PSMD11: variants seen among roughly 807,000 people sequenced by gnomAD.
PSMD11 encodes proteasome 26S subunit, non-ATPase 11.
PSMD11 carries 5 observed loss-of-function variants against 62.3 expected under a neutral mutation model. That is an observed-to-expected ratio of 0.08 (90% CI 0.04 to 0.17). The LOEUF (loss-of-function observed/expected upper bound fraction) is 0.17, where lower values mean the gene tolerates loss of function less well. Among genes scored for constraint, PSMD11 ranks in the 10% least tolerant of loss-of-function variants. The pLI is 1.00. For synonymous variants in PSMD11, 191 were observed against 191.8 expected, an observed-to-expected ratio of 1.00 and a Z score of 0.03; for missense variants, 310 against 512.9, an observed-to-expected ratio of 0.60 and a Z score of 3.82.
intron 7 of PSMD11, among the ~76,000 whole-genome samples, chr17:32,474,506 T>C (rs1226836965): frequency 1.3e-5 from 2 of 152,228 alleles, no homozygotes; most frequent in African/African-American, 4.8e-5. Flanking sequence ...TTCTGCTTGT[T>C]GTGTCTATTG....
chr17:32,455,892 C>T (rs1907635598), intron 3 of PSMD11, among the ~76,000 whole-genome samples: 2 of 151,834 alleles, frequency 1.3e-5, no homozygotes, highest in South Asian at 4.2e-4. Flanking sequence ...GCCTGTAATC[C>T]CAGCACTTTG....
intron 2 of PSMD11, among the ~76,000 whole-genome samples, chr17:32,453,259 A>G (rs917605699): frequency 1.6e-4 from 25 of 152,356 alleles, no homozygotes; most frequent in African/African-American, 5.3e-4. Context: ...GTTACATGGG[A>G]AACTCAATAG....
chr17:32,444,660 G>T, intron 1 of PSMD11, 46 bp downstream of exon 1: 1 of 1,604,136 alleles, frequency 6.2e-7, no homozygotes, highest in Non-Finnish European at 8.5e-7. Flanking sequence ...GCCCAGCTCG[G>T]CTTATGTCGG....
chr17:32,474,113 A>G, intron 7 of PSMD11, 168 bp downstream of exon 7: 1 of 706,874 alleles, frequency 1.4e-6, no homozygotes, highest in Non-Finnish European at 2.3e-6. Flanking sequence ...TGGTCCAGAA[A>G]ACTTTCGCTT....
chr17:32,479,042 T>TG (rs1348381349), intron 9 of PSMD11, among the ~76,000 whole-genome samples: 1 of 152,204 alleles, frequency 6.6e-6, no homozygotes, highest in Non-Finnish European at 1.5e-5. Context: ...CCCGAGTGAC[T>TG]GGGACTCCAG....
chr17:32,459,100 A>G (rs1271600030), intron 3 of PSMD11, among the ~76,000 whole-genome samples: 2 of 96,402 alleles, frequency 2.1e-5, no homozygotes, highest in African/African-American at 7.4e-5. Context: ...AGAGTGTCTC[A>G]AAAAAAAAAA....
chr17:32,474,205 T>C (rs1335330457), intron 7 of PSMD11: 6 of 511,156 alleles, frequency 1.2e-5, no homozygotes, highest in Non-Finnish European at 1.4e-5. Context: ...CCTTTAAATA[T>C]TCTGTCCTCA....
chr17:32,464,187 C>T (rs1444668533), intron 4 of PSMD11, 67 bp downstream of exon 4: 1 of 1,394,234 alleles, frequency 7.2e-7, no homozygotes, highest in African/African-American at 1.4e-5. Flanking sequence ...GTAAGCAGTA[C>T]CATCCTTATC....
Position 32,479,599 on chromosome 17 carries a change from C to G in PSMD11, c.1038+223C>G, listed in dbSNP as rs146605189. On this transcript the variant is annotated intron_variant, in intron 10 of 13. Coordinates refer to ENST00000261712, the MANE Select transcript of PSMD11 (RefSeq NM_002815.4). ...CCCTGCATGTGTTCTGAGCAGTTTC[C>G]TCCTCGCTTTTAGTCACTGCATGTG... The G allele has an allele frequency of 1.0e-3, 739 of 719,638 alleles. 8 individuals are homozygous for G. In the East Asian group the frequency reaches 0.018, roughly 17 times the overall value. The allele number at this position is 719,638 out of a possible 1,614,324, so 44.6% of individuals were successfully genotyped here.
chr17:32,472,283 C>T (rs1597840918), intron 6 of PSMD11, among the ~76,000 whole-genome samples: 1 of 151,128 alleles, frequency 6.6e-6, no homozygotes. Context: ...AGTGCAGTGA[C>T]GTGACCTCGG....
At chr17:32,459,115 C>CAT (rs10595066) in intron 3 of PSMD11, among the ~76,000 whole-genome samples, 9,110 of 111,728 alleles carry the variant, frequency 0.082, 464 homozygotes, top group African/African-American at 0.13. Context: ...AAAAAAAATA[C>CAT]ATATATATAT....
chr17:32,480,325 C>T (rs181735479), intron 12 of PSMD11, 128 bp downstream of exon 12: 202 of 1,455,268 alleles, frequency 1.4e-4, no homozygotes, highest in Admixed American at 3.8e-4. Flanking sequence ...CCCCTCTTCC[C>T]TGTGATGAGA....
intron 13 of PSMD11, 37 bp downstream of exon 13, chr17:32,480,668 T>C: frequency 6.2e-7 from 1 of 1,610,278 alleles, no homozygotes; most frequent in Admixed American, 1.7e-5. Context: ...GCTGGGCAGC[T>C]CTGTCTTCTG....
rs1907676855 is a variant in PSMD11 at position 32,457,158 on chromosome 17, C to T, written c.318+2539C>T. 2.0e-5 allele frequency among the ~76,000 whole-genome samples: 3 copies of T among 152,192 alleles called. No homozygotes were observed. The South Asian group carries it at 6.2e-4, about 32-fold the overall frequency. ...TTTATATAAAGTAAAGACCTTTCTT[C>T]CTTTCCTTAGGGTGAAAGGAAACAC... On this transcript the variant is annotated intron_variant, in intron 3 of 13. Transcript: ENST00000261712.
chr17:32,450,422 ATTTTTT>A (rs58292122), intron 2 of PSMD11, among the ~76,000 whole-genome samples: 1 of 129,538 alleles, frequency 7.7e-6, no homozygotes, highest in Non-Finnish European at 1.6e-5. Context: ...TGCTCGGCTA[ATTTTTT>A]TTTTTTTTTT....
At chr17:32,471,758 C>T (rs1908168587) in intron 6 of PSMD11, among the ~76,000 whole-genome samples, 1 of 152,124 alleles carries the variant, frequency 6.6e-6, no homozygotes, top group Non-Finnish European at 1.5e-5. Context: ...TAAGTTGAGT[C>T]TCTAACTCCT....
intron 1 of PSMD11, among the ~76,000 whole-genome samples, chr17:32,446,281 A>C (rs767522955): frequency 2.6e-5 from 4 of 152,258 alleles, no homozygotes; most frequent in Admixed American, 1.3e-4. Flanking sequence ...GAATGTTAAA[A>C]TAGTTATTAA....
intron 2 of PSMD11, 90 bp from the exon 3 acceptor site, chr17:32,454,405 G>C: frequency 8.8e-6 from 12 of 1,370,074 alleles, no homozygotes; most frequent in Non-Finnish European, 1.2e-5. Context: ...TGTAAGTACC[G>C]ATTTTTATGA....
At chr17:32,449,621 T>C (rs766204681) in intron 2 of PSMD11, among the ~76,000 whole-genome samples, 23 of 152,364 alleles carry the variant, frequency 1.5e-4, no homozygotes, top group Non-Finnish European at 2.4e-4. Context: ...CTGCTAAAGC[T>C]ATTGGAATTT....
Sources: allele counts gnomAD v4.1 joint callset (sites outside exome capture counted in the v4.1 genomes callset), GRCh38; gene constraint gnomAD v4.1.1; transcripts MANE v1.5; gene names NCBI Gene and HGNC (gene_info 2026-07-23, HGNC 2026-07-21).